The following NUSAP1 variants were observed in gnomAD, a reference collection of about 807,000 sequenced individuals.
NUSAP1 encodes nucleolar and spindle associated protein 1, also known as nucleolar and spindle-associated protein 1.
A neutral mutation model predicts 52.8 loss-of-function variants in NUSAP1; 32 were observed. That is an observed-to-expected ratio of 0.61 (90% CI 0.46 to 0.81). NUSAP1 has a LOEUF of 0.81. Among genes scored for constraint, NUSAP1 ranks in the 40% least tolerant of loss-of-function variants. The pLI is 0.00. For missense variants in NUSAP1, 499 were observed against 522.3 expected (o/e 0.96, Z 0.43); for synonymous variants, 195 against 183.1 (o/e 1.06, Z -0.52).
rs998056980 is a variant in NUSAP1, at chr15:41,342,666, C to T, written c.162+212C>T. On this transcript the variant is annotated intron_variant, in intron 2 of 10. Transcript: ENST00000559596. The stretch of plus-strand genomic sequence containing the variant: ...CAGCCTGGCCAACATGGTGAAACCC[C>T]GTCTCTACTAAAAATACAAAAATTA... 7.2e-5 allele frequency among the ~76,000 whole-genome samples: 11 copies of T among 152,054 alleles called. No homozygotes were observed. The East Asian group carries it at 1.9e-3, about 27-fold the overall frequency.
chr15:41,377,824 A>G (rs2050022283), intron 10 of NUSAP1, among the ~76,000 whole-genome samples: 1 of 148,756 alleles, frequency 6.7e-6, no homozygotes, highest in Admixed American at 6.8e-5. Context: ...ACGCATTGAA[A>G]CCCCATCTCT....
intron 8 of NUSAP1, among the ~76,000 whole-genome samples, chr15:41,374,541 C>G (rs1312702284): frequency 2.0e-5 from 3 of 151,898 alleles, no homozygotes; most frequent in Non-Finnish European, 4.4e-5. Context: ...TAACTTTTTT[C>G]TTTTTTTGAG....
intron 9 of NUSAP1, among the ~76,000 whole-genome samples, chr15:41,376,711 TAATTA>T (rs2049953114): frequency 6.7e-6 from 1 of 149,040 alleles, no homozygotes; most frequent in Non-Finnish European, 1.5e-5. Context: ...AAAATAATAA[TAATTA>T]AATTTAAATT....
intron 10 of NUSAP1, among the ~76,000 whole-genome samples, chr15:41,378,366 A>T (rs1450150900): frequency 5.3e-5 from 8 of 152,206 alleles, no homozygotes; most frequent in African/African-American, 1.9e-4. Flanking sequence ...AGTTAAAGCC[A>T]GAGCTCATCC....
At chr15:41,334,230 TGCCTCAGCCTCCTGA>T in intron 1 of NUSAP1, among the ~76,000 whole-genome samples, 1 of 152,314 alleles carries the variant, frequency 6.6e-6, no homozygotes, top group African/African-American at 2.4e-5. Context: ...GCGATTCTCC[TGCCTCAGCCTCCTGA>T]GTAGCTGGGA....
chr15:41,370,623 G>A (rs913345400), intron 7 of NUSAP1, among the ~76,000 whole-genome samples: 4 of 151,832 alleles, frequency 2.6e-5, no homozygotes, highest in Non-Finnish European at 4.4e-5. Context: ...GGTGGCGCAT[G>A]CCTGTAATCA....
rs111585065 is a variant in NUSAP1 at position 41,346,808 on chromosome 15, C to T, written c.163-2290C>T. 4.5e-3 allele frequency among the ~76,000 whole-genome samples: 676 copies of T among 150,186 alleles called. 4 individuals carry two copies. Among genetic ancestry groups the T allele is most frequent in the South Asian group, 0.025 (118 of 4,748 alleles). On this transcript the variant is annotated intron_variant, in intron 2 of 10. Transcript: ENST00000559596. ...TGCTATTGCACTCCATCCTGGGCAA[C>T]AGAGCCAGACCCCGTCTCAAAAATA...
At chr15:41,354,844 C>G (rs1236947567) in intron 4 of NUSAP1, among the ~76,000 whole-genome samples, 1 of 151,436 alleles carries the variant, frequency 6.6e-6, no homozygotes, top group Admixed American at 6.6e-5. Context: ...CGGTGAAACC[C>G]TGTCTCTACT....
chr15:41,336,428 G>A (rs1235384146), intron 1 of NUSAP1, among the ~76,000 whole-genome samples: 3 of 151,518 alleles, frequency 2.0e-5, no homozygotes, highest in Admixed American at 6.6e-5. Context: ...CCTTTCTTGC[G>A]AGCTTAAATT....
At chr15:41,379,676 C>T (rs1339867640) in intron 10 of NUSAP1, among the ~76,000 whole-genome samples, 1 of 152,110 alleles carries the variant, frequency 6.6e-6, no homozygotes, top group Non-Finnish European at 1.5e-5. Flanking sequence ...TCCCCAGTAG[C>T]TGTGATTATA....
intron 6 of NUSAP1, among the ~76,000 whole-genome samples, chr15:41,363,466 C>T (rs1400529729): frequency 6.6e-6 from 1 of 151,866 alleles, no homozygotes; most frequent in Non-Finnish European, 1.5e-5. Flanking sequence ...CCTCAACCTC[C>T]TGGGCTCAGG....
chr15:41,376,652 C>T (rs189149331), intron 9 of NUSAP1, among the ~76,000 whole-genome samples: 1 of 151,924 alleles, frequency 6.6e-6, no homozygotes, highest in Non-Finnish European at 1.5e-5. Context: ...GACCACACCA[C>T]TGCACTCCAG....
intron 4 of NUSAP1, among the ~76,000 whole-genome samples, chr15:41,352,231 C>T (rs540680090): frequency 4.0e-4 from 61 of 152,174 alleles, no homozygotes; most frequent in African/African-American, 6.0e-4. Context: ...CGTGAGCCAC[C>T]GCACCCGGCC....
chr15:41,379,752 G>T (rs1474615316), intron 10 of NUSAP1, among the ~76,000 whole-genome samples: 2 of 151,976 alleles, frequency 1.3e-5, no homozygotes, highest in East Asian at 1.9e-4. Flanking sequence ...TCACCATTTT[G>T]GCCAGGCTGG....
intron 2 of NUSAP1, chr15:41,342,994 T>TA (rs2048421296): frequency 6.6e-6 from 1 of 152,444 alleles, no homozygotes; most frequent in South Asian, 2.1e-4. Context: ...TTTACACAGA[T>TA]ACAAAGGCTG....
At chr15:41,348,731 C>A (rs1364651617) in intron 2 of NUSAP1, among the ~76,000 whole-genome samples, 1 of 152,124 alleles carries the variant, frequency 6.6e-6, no homozygotes, top group Non-Finnish European at 1.5e-5. Flanking sequence ...CCTCCCCTTG[C>A]CGGGTCAAGT....
chr15:41,339,287 A>G (rs1310341272), intron 1 of NUSAP1, among the ~76,000 whole-genome samples: 1 of 152,070 alleles, frequency 6.6e-6, no homozygotes, highest in Non-Finnish European at 1.5e-5. Flanking sequence ...GATGTCTGGA[A>G]CTTATTTTCA....
At chr15:41,371,401 C>A in intron 7 of NUSAP1, 126 bp from the exon 8 acceptor site, 2 of 697,778 alleles carry the variant, frequency 2.9e-6, no homozygotes, top group Non-Finnish European at 4.5e-6. Context: ...GAGGTTCGTT[C>A]CTATGACAAT....
chr15:41,354,999 G>A (rs1270657465), intron 4 of NUSAP1, among the ~76,000 whole-genome samples: 6 of 149,908 alleles, frequency 4.0e-5, no homozygotes, highest in Non-Finnish European at 8.9e-5. Flanking sequence ...CAGCCTGGGC[G>A]AAAGAGCGAG....
Sources: gnomAD v4.1 joint callset for allele counts (sites outside exome capture counted in the v4.1 genomes callset) on GRCh38, gnomAD v4.1.1 for gene constraint, MANE v1.5 for transcripts, NCBI Gene and HGNC (gene_info 2026-07-23, HGNC 2026-07-21) for gene names.